EFHC2: variants seen among roughly 807,000 people sequenced by gnomAD.
EFHC2 encodes the protein EF-hand domain containing 2, also known as EF-hand domain-containing family member C2.
In EFHC2, 18 loss-of-function variants were observed where a neutral mutation model predicts 52.7. The observed-to-expected ratio is 0.34, with a 90% CI of 0.24 to 0.51. The LOEUF (loss-of-function observed/expected upper bound fraction) is 0.51. Ranked by LOEUF, EFHC2 falls within the 20% of genes least tolerant of loss-of-function variation. The pLI, the probability that EFHC2 is intolerant of heterozygous loss-of-function variation, is 0.97. For synonymous variants in EFHC2, 203 were observed against 204.1 expected (o/e 0.99, Z 0.04); for missense variants, 513 against 562.5 (o/e 0.91, Z 0.89).
At chrX:44,155,295 A>C (rs1044235224) in intron 14 of EFHC2, among the ~76,000 whole-genome samples, 3 of 111,879 alleles carry the variant, frequency 2.7e-5, no homozygotes, top group Non-Finnish European at 5.6e-5. Context: ...GTGGTGAAAA[A>C]ATGTAGCTGC....
chrX:44,217,067 A>G (rs1177674379), intron 11 of EFHC2, among the ~76,000 whole-genome samples: 1 of 112,411 alleles, frequency 8.9e-6, no homozygotes, highest in Non-Finnish European at 1.9e-5. Context: ...AAAAATTTGA[A>G]TACACATTTC....
intron 1 of EFHC2, among the ~76,000 whole-genome samples, chrX:44,323,359 C>T (rs965314390): frequency 2.3e-4 from 26 of 112,276 alleles, no homozygotes; most frequent in African/African-American, 7.7e-4. Flanking sequence ...CTGTAGCAAA[C>T]AGCCAACCCT....
chrX:44,253,205 CTGTT>C (rs1308636494), intron 4 of EFHC2, among the ~76,000 whole-genome samples: 1 of 110,137 alleles, frequency 9.1e-6, no homozygotes, highest in African/African-American at 3.3e-5. Context: ...AACTGGGCAG[CTGTT>C]TGGGCAGACA....
At chrX:44,243,621 A>T (rs974592911) in intron 7 of EFHC2, among the ~76,000 whole-genome samples, 91 of 111,962 alleles carry the variant, frequency 8.1e-4, no homozygotes, top group Non-Finnish European at 1.3e-3. Context: ...ACTTCCTAGC[A>T]GCCTTTGTGT....
chrX:44,290,587 G>A (rs762648403), intron 2 of EFHC2, among the ~76,000 whole-genome samples: 1 of 22,129 alleles, frequency 4.5e-5, no homozygotes, highest in African/African-American at 1.8e-4. Flanking sequence ...GGGTGGGTGG[G>A]TTTTCTTTCA....
intron 4 of EFHC2, among the ~76,000 whole-genome samples, chrX:44,252,243 G>A (rs147020084): frequency 1.0e-3 from 117 of 111,778 alleles, no homozygotes; most frequent in African/African-American, 3.6e-3. Context: ...CAGCCCTGTC[G>A]TGGAGTTAAA....
chrX:44,311,356 G>T (rs949090591), intron 2 of EFHC2, among the ~76,000 whole-genome samples: 6 of 111,987 alleles, frequency 5.4e-5, no homozygotes, highest in Non-Finnish European at 9.4e-5. Context: ...TCAATTTGAG[G>T]ACATTTTAAT....
chrX:44,253,368 G>A lies in EFHC2; in HGVS notation c.607-2923C>T, dbSNP rs759700575. On this transcript the variant is annotated intron_variant, in intron 4 of 14. Transcript: ENST00000420999. The stretch of plus-strand genomic sequence containing the variant: ...TGGATCCCCCCAGCAAGCTAAGACC[G>A]ATGGCTTGAAATTCTCGCTGCCAGC... 1.9e-3 allele frequency among the ~76,000 whole-genome samples: 215 copies of A among 110,980 alleles called. 1 individual carries two copies. The highest frequency in any genetic ancestry group is 3.5e-3 in the Non-Finnish European group (184 of 52,917).
chrX:44,322,589 T>G (rs928377941), intron 1 of EFHC2, among the ~76,000 whole-genome samples: 1 of 112,168 alleles, frequency 8.9e-6, no homozygotes, highest in African/African-American at 3.2e-5. Flanking sequence ...CATGTGATGC[T>G]GGAGCAGTCA....
chrX:44,180,649 G>A (rs2036826756), intron 11 of EFHC2, among the ~76,000 whole-genome samples: 1 of 108,895 alleles, frequency 9.2e-6, no homozygotes, highest in African/African-American at 3.4e-5. Context: ...TGAGGCACAG[G>A]AATCACTTGA....
chrX:44,323,833 A>C (rs184988197), intron 1 of EFHC2, among the ~76,000 whole-genome samples: 1 of 111,398 alleles, frequency 9.0e-6, no homozygotes, highest in Non-Finnish European at 1.9e-5. Context: ...TCCTTTGCAA[A>C]AATTATGACA....
chrX:44,314,110 G>A (rs183049779), intron 1 of EFHC2, among the ~76,000 whole-genome samples: 74 of 112,094 alleles, frequency 6.6e-4, no homozygotes, highest in Middle Eastern at 4.6e-3. Flanking sequence ...GCATAGAAAT[G>A]ATAAGCAGCA....
chrX:44,151,671 C>T (rs1261787784), intron 14 of EFHC2, among the ~76,000 whole-genome samples: 1 of 112,231 alleles, frequency 8.9e-6, no homozygotes, highest in African/African-American at 3.2e-5. Flanking sequence ...ATTATATCTG[C>T]AAAGATTATT....
intron 7 of EFHC2, 59 bp downstream of exon 7, chrX:44,248,213 A>G (rs2037415010): frequency 1.2e-5 from 12 of 1,007,770 alleles, no homozygotes; most frequent in Non-Finnish European, 1.5e-5. Flanking sequence ...TAAAATCTTA[A>G]TTAGGGAACA....
chrX:44,195,211 G>A (rs926548450), intron 11 of EFHC2, among the ~76,000 whole-genome samples: 4 of 111,670 alleles, frequency 3.6e-5, no homozygotes, highest in African/African-American at 3.3e-5. Context: ...CCAGTTCTGC[G>A]CCTAGGCCTC....
rs1275707551 is a variant in EFHC2, at chrX:44,148,916, G to T, written c.2149-20C>A. On this transcript the variant is annotated intron_variant, in intron 14 of 14. Transcript: ENST00000420999. ...ACATCTCTAGAAAAAAACCAAAAAT[G>T]GATATGATTAGAACCACATTTCAAA... The T allele has an allele frequency of 8.9e-6, 10 of 1,124,401 alleles. No homozygotes were observed. Among genetic ancestry groups the T allele is most frequent in the Middle Eastern group, 4.8e-4 (2 of 4,195 alleles). 92.7% of individuals were successfully genotyped at this position (1,124,401 alleles called of 1,213,427 possible).
At chrX:44,180,489 C>T (rs897854183) in intron 11 of EFHC2, among the ~76,000 whole-genome samples, 3 of 112,006 alleles carry the variant, frequency 2.7e-5, no homozygotes, top group Admixed American at 9.4e-5. Flanking sequence ...CGCTCGTAAT[C>T]CCGGCACTTA....
chrX:44,194,366 C>T (rs943921986), intron 11 of EFHC2, among the ~76,000 whole-genome samples: 4 of 111,387 alleles, frequency 3.6e-5, no homozygotes, highest in African/African-American at 1.3e-4. Flanking sequence ...TACCCGGCTA[C>T]GTTTTGACAG....
chrX:44,178,901 A>T (rs987130532), intron 11 of EFHC2, among the ~76,000 whole-genome samples: 5 of 112,372 alleles, frequency 4.4e-5, no homozygotes, highest in Non-Finnish European at 7.5e-5. Flanking sequence ...ACTTTATTCA[A>T]TGCCTATTAA....
Sources: gnomAD v4.1 joint callset for allele counts (sites outside exome capture counted in the v4.1 genomes callset) on GRCh38, gnomAD v4.1.1 for gene constraint, MANE v1.5 for transcripts, NCBI Gene and HGNC (gene_info 2026-07-23, HGNC 2026-07-21) for gene names.